CD93: variants seen among roughly 807,000 people sequenced by gnomAD.
CD93 encodes the protein complement component C1q receptor.
In CD93, 44 loss-of-function variants were observed where a neutral mutation model predicts 45.5. The observed-to-expected ratio is 0.97, with a 90% CI of 0.76 to 1.24. The LOEUF is 1.24. Among genes scored for constraint, CD93 ranks in the 50% most tolerant of loss-of-function variants. The probability of loss-of-function intolerance (pLI) is 0.00; values close to 1 mark genes in which losing one functional copy is unlikely to be tolerated. For missense variants in CD93, 918 were observed against 844.5 expected (o/e 1.09, Z -1.08); for synonymous variants, 431 against 370.8 (o/e 1.16, Z -1.87).
In CD93 at chr20:23,082,800, G is replaced by A. The variant is rs536616136; in HGVS notation, c.*1150C>T. The stretch of plus-strand genomic sequence containing the variant: ...GTTCCTTAAGCAAACTGCCTGACTA[G>A]CTCCCTACTTGGTGTGTGCGCCACC... On this transcript the variant is annotated 3_prime_UTR_variant, in exon 2 of 2. Transcript: ENST00000246006. The A allele has an allele frequency of 6.6e-6, 1 of 152,534 alleles. No homozygotes were observed. Among genetic ancestry groups the A allele is most frequent in the Non-Finnish European group, 1.5e-5 (1 of 68,040 alleles). The allele number at this position is 152,534 out of a possible 1,614,324, so 9.4% of individuals were successfully genotyped here. A position where few individuals can be genotyped will look rare whatever the true frequency, so the allele number is the denominator to read the frequency against.
rs773643005 is a variant in CD93, at chr20:23,085,263, T to G, written c.930A>C (p.Pro310=). ...CASRNPCSSS[P]CRGGATCVLG... ...GGACGCACGTGGCCCCCCCACGACATGGGCTGGAGCTGCAAGGGTTTCGAG... is the reference window on the plus strand; with the variant it reads ...GGACGCACGTGGCCCCCCCACGACAGGGGCTGGAGCTGCAAGGGTTTCGAG... Residue 310 remains proline, a synonymous_variant, in exon 1 of 2, where the codon CCA becomes CCC. Coordinates refer to ENST00000246006, the MANE Select transcript of CD93 (RefSeq NM_012072.4). The G allele has an allele frequency of 6.2e-7, 1 of 1,613,512 alleles. No individual in the cohort carries two copies. The highest frequency in any genetic ancestry group is 1.3e-5 in the African/African-American group (1 of 75,038).
rs943525869 is a variant in CD93, at chr20:23,082,138, G to A, written c.*1812C>T. On this transcript the variant is annotated 3_prime_UTR_variant, in exon 2 of 2. Coordinates refer to ENST00000246006, the MANE Select transcript of CD93 (RefSeq NM_012072.4). ...GACCATGAGATGACTTTAAAAAGAA[G>A]TTCCAAATGCCCCATCGAGCCGCAC... is the stretch of plus-strand genomic sequence containing the variant. 5.3e-5 allele frequency: 8 copies of A among 152,162 alleles called. No individual in the cohort carries two copies. The highest frequency in any genetic ancestry group is 2.9e-5 in the Non-Finnish European group (2 of 68,034). The allele number at this position is 152,162 out of a possible 1,614,324, so 9.4% of individuals were successfully genotyped here. A position where few individuals can be genotyped will look rare whatever the true frequency, so the allele number is the denominator to read the frequency against.
In CD93 at chr20:23,086,005, A is replaced by G. The variant is rs1191990848; in HGVS notation, c.188T>C (p.Val63Ala). Residue 63 changes from valine (V) to alanine (A), a missense_variant, in exon 1 of 2, where the codon GTG (valine) becomes GCG (alanine). Physicochemically the swap from Val to Ala is moderately conservative, Grantham distance 64. Coordinates refer to ENST00000246006, the MANE Select transcript of CD93 (RefSeq NM_012072.4). ...GTGCTGGGCCTCCTCCTTGCTCTTCACAGTGGCCAGGTTGCCCCCGTTCTG... is the reference window on the plus strand; with the variant it reads ...GTGCTGGGCCTCCTCCTTGCTCTTCGCAGTGGCCAGGTTGCCCCCGTTCTG... ...CNQNGGNLAT[V>A]KSKEEAQHVQ... The G allele has an allele frequency of 6.2e-7, 1 of 1,610,388 alleles. No individual in the cohort carries two copies.
rs896497650 is a variant in CD93, at chr20:23,083,147, C to A, written c.*803G>T. On this transcript the variant is annotated 3_prime_UTR_variant, in exon 2 of 2. Transcript: ENST00000246006. Reference sequence around the variant, plus strand: ...AGTCAAGTGTGTGGTAACCTCAGTACATTTGGATGAATTAATTCAAGTATC... The same window carrying A: ...AGTCAAGTGTGTGGTAACCTCAGTAAATTTGGATGAATTAATTCAAGTATC... 6.6e-6 allele frequency: 1 copy of A among 152,270 alleles called. No individual in the cohort carries two copies. Among genetic ancestry groups the A allele is most frequent in the Non-Finnish European group, 1.5e-5 (1 of 68,064 alleles). 9.4% of individuals were successfully genotyped at this position (152,270 alleles called of 1,614,324 possible).
At position 23,085,895 on chromosome 20, in the gene CD93, C is replaced by G. The variant is rs770230517; in HGVS notation, c.298G>C (p.Glu100Gln). The G allele has an allele frequency of 2.6e-6, 4 of 1,547,446 alleles. No homozygotes were observed. In the East Asian group the frequency reaches 1.0e-4, roughly 39 times the overall value. ...MSKFWIGLQR[E>Q]KGKCLDPSLP... ...CTAGGGTCCAGGCACTTGCCCTTCT[C>G]TCGCTGGAGCCCAATCCAGAACTTG... Residue 100 changes from glutamate to glutamine, a missense_variant, in exon 1 of 2, where the codon GAG (glutamate) becomes CAG (glutamine). Transcript: ENST00000246006.
In CD93 at chr20:23,085,870, C is replaced by T; in HGVS notation, c.323G>A (p.Ser108Asn). Residue 108 changes from serine to asparagine, a missense_variant, in exon 1 of 2, where the codon AGT becomes AAT. Transcript: ENST00000246006. ...QREKGKCLDP[S>N]LPLKGFSWVG... Reference sequence around the variant, plus strand: ...CCAGCTGAAGCCCTTCAGCGGCAGACTAGGGTCCAGGCACTTGCCCTTCTC... The same window carrying T: ...CCAGCTGAAGCCCTTCAGCGGCAGATTAGGGTCCAGGCACTTGCCCTTCTC... The T allele has an allele frequency of 6.3e-7, 1 of 1,582,094 alleles. No homozygotes were observed. Among genetic ancestry groups the T allele is most frequent in the East Asian group, 2.3e-5 (1 of 43,632 alleles).
intron 1 of CD93, 23 bp downstream of exon 1, chr20:23,084,236 C>G: frequency 6.2e-7 from 1 of 1,608,990 alleles, no homozygotes. Flanking sequence ...TCCCCTCCCC[C>G]GGTCACTCAG....
In CD93 at chr20:23,084,350, C is replaced by A. The variant is rs1490108201; in HGVS notation, c.1843G>T (p.Glu615Ter). 6.2e-7 allele frequency: 1 copy of A among 1,614,246 alleles called. No individual in the cohort carries two copies. The highest frequency in any genetic ancestry group is 8.5e-7 in the Non-Finnish European group (1 of 1,180,038). The change falls in exon 1 of 2, where the codon GAG becomes TAG. Residue 615 changes from glutamate (E) to a stop codon, truncating the protein, a stop_gained. Coordinates refer to ENST00000246006, the MANE Select transcript of CD93 (RefSeq NM_012072.4). LOFTEE classifies it high-confidence loss of function. ...VYRKRRAKRE[E>*]KKEKKPQNAA... ...TTCTGGGGCTTCTTCTCCTTCTTCT[C>A]CTCCCTCTTCGCTCTCCGCTTGCGA...
chr20:23,084,716 T>C lies in CD93; in HGVS notation c.1477A>G (p.Thr493Ala), dbSNP rs762931980. 5.0e-6 allele frequency: 8 copies of C among 1,596,440 alleles called. No individual in the cohort carries two copies. The highest frequency in any genetic ancestry group is 1.7e-4 in the Middle Eastern group (1 of 5,932). Residue 493 changes from threonine (T) to alanine (A), a missense_variant, in exon 1 of 2, where the codon ACC (threonine) becomes GCC (alanine). Physicochemically the swap from Thr to Ala is moderately conservative, Grantham distance 58. Transcript: ENST00000246006. The stretch of plus-strand genomic sequence containing the variant: ...CTGGCTGTTGCAGCACGGGGCACGG[T>C]GCTCCCTTCTTTCTCTCCTTTGTCC... The part of the protein sequence containing the change: ...EEDKGEKEGS[T>A]VPRAATASPT...
Position 23,085,049 on chromosome 20 carries a change from C to G in CD93, c.1144G>C (p.Ala382Pro), listed in dbSNP as rs1005084781. ...GYEPGGPGEGACQDVDECALG... is the reference protein window; with the variant it reads ...GYEPGGPGEGPCQDVDECALG... The stretch of plus-strand genomic sequence containing the variant: ...GCACACTCATCCACATCCTGACAGG[C>G]CCCCTCTCCAGGACCGCCCGGCTCA... Residue 382 changes from alanine to proline, a missense_variant, in exon 1 of 2, where the codon GCC becomes CCC. Transcript: ENST00000246006. 3.1e-6 allele frequency: 5 copies of G among 1,613,666 alleles called. No homozygotes were observed. The highest frequency in any genetic ancestry group is 4.2e-6 in the Non-Finnish European group (5 of 1,179,890).
At chr20:23,084,212 C>A (rs1985404995) in intron 1 of CD93, 47 bp downstream of exon 1, 1 of 1,592,412 alleles carries the variant, frequency 6.3e-7, no homozygotes, top group African/African-American at 1.3e-5. Flanking sequence ...AGTCAGTGCC[C>A]CCATGCCTGC....
At position 23,082,156 on chromosome 20, in the gene CD93, A is replaced by G. The variant is rs1176654778; in HGVS notation, c.*1794T>C. The G allele has an allele frequency of 6.6e-6, 1 of 152,202 alleles. No homozygotes were observed. The highest frequency in any genetic ancestry group is 1.5e-5 in the Non-Finnish European group (1 of 68,034). The allele number at this position is 152,202 out of a possible 1,614,324, so 9.4% of individuals were successfully genotyped here. A position where few individuals can be genotyped will look rare whatever the true frequency, so the allele number is the denominator to read the frequency against. On this transcript the variant is annotated 3_prime_UTR_variant, in exon 2 of 2. Coordinates refer to ENST00000246006, the MANE Select transcript of CD93 (RefSeq NM_012072.4). ...AAAAGAAGTTCCAAATGCCCCATCG[A>G]GCCGCACAAAACCTCCATCTTTCCT...
In CD93 at chr20:23,086,262, C is replaced by G. The variant is rs1407930276; in HGVS notation, c.-70G>C. The stretch of plus-strand genomic sequence containing the variant: ...GCGACAGGAGCTTCTATCTCGGCTC[C>G]CAGCTGGGCCCCAAGGGGAGCTGAG... On this transcript the variant is annotated 5_prime_UTR_variant, in exon 1 of 2. Transcript: ENST00000246006. 26 of 1,450,000 alleles carry G rather than the reference C, an allele frequency of 1.8e-5. No individual in the cohort carries two copies. The highest frequency in any genetic ancestry group is 2.7e-6 in the Non-Finnish European group (3 of 1,104,524). 89.8% of individuals were successfully genotyped at this position (1,450,000 alleles called of 1,614,324 possible).
chr20:23,086,076 G>A lies in CD93; in HGVS notation c.117C>T (p.Ala39=). The A allele has an allele frequency of 6.2e-7, 1 of 1,602,398 alleles. No individual in the cohort carries two copies. Among genetic ancestry groups the A allele is most frequent in the South Asian group, 1.1e-5 (1 of 90,474 alleles). ...CGGCAGCGCTCAGCTTGCCCGAGTG[G>A]GCCGTGTAGCAGGCGGTCCCCACGC... ...VVCVGTACYT[A]HSGKLSAAEA... Residue 39 remains alanine (A), a synonymous_variant, in exon 1 of 2, where the codon GCC becomes GCT. Transcript: ENST00000246006.
rs758995480 is a variant in CD93, at chr20:23,085,002, G to A, written c.1191C>T (p.Ala397=). 6.2e-6 allele frequency: 10 copies of A among 1,613,936 alleles called. No homozygotes were observed. The highest frequency in any genetic ancestry group is 7.6e-6 in the Non-Finnish European group (9 of 1,180,010). Residue 397 remains alanine (A), a synonymous_variant, in exon 1 of 2, where the codon GCC becomes GCT. Transcript: ENST00000246006. ...AGCCATCTGTGTTGGTGCAGCCCTG[G>A]GCGCAAGGCGAGCGACCCAGAGCAC... ...DECALGRSPC[A]QGCTNTDGSF... is the part of the protein sequence containing the mutation.
Position 23,080,251 on chromosome 20 carries a change from T to A in CD93, c.*3699A>T, listed in dbSNP as rs1450058248. 2.0e-5 allele frequency: 3 copies of A among 152,662 alleles called. No homozygotes were observed. The highest frequency in any genetic ancestry group is 2.0e-4 in the Admixed American group (3 of 15,288). The allele number at this position is 152,662 out of a possible 1,614,324, so 9.5% of individuals were successfully genotyped here. On this transcript the variant is annotated 3_prime_UTR_variant, in exon 2 of 2. Transcript: ENST00000246006. ...AGACTGTGTTATTTTTAATTCAATT[T>A]TTTTTTGTCAAATCTCATCTCTGTT...
rs758868246 is a variant in CD93, at chr20:23,083,190, C to A, written c.*760G>T. 2.0e-5 allele frequency: 3 copies of A among 152,262 alleles called. No homozygotes were observed. Among genetic ancestry groups the A allele is most frequent in the African/African-American group, 7.2e-5 (3 of 41,460 alleles). The allele number at this position is 152,262 out of a possible 1,614,324, so 9.4% of individuals were successfully genotyped here. The stretch of plus-strand genomic sequence containing the variant: ...CAAGTATCTGTGAACAAATCCCTGG[C>A]CTCTCTCGCCCTAGCCCCGTAGATT... On this transcript the variant is annotated 3_prime_UTR_variant, in exon 2 of 2. Transcript: ENST00000246006.
rs1985371551 is a variant in CD93, at chr20:23,083,183, T to C, written c.*767A>G. The C allele has an allele frequency of 6.6e-6, 1 of 152,242 alleles. No individual in the cohort carries two copies. The allele number at this position is 152,242 out of a possible 1,614,324, so 9.4% of individuals were successfully genotyped here. A position where few individuals can be genotyped will look rare whatever the true frequency, so the allele number is the denominator to read the frequency against. The stretch of plus-strand genomic sequence containing the variant: ...ATTAATTCAAGTATCTGTGAACAAA[T>C]CCCTGGCCTCTCTCGCCCTAGCCCC... On this transcript the variant is annotated 3_prime_UTR_variant, in exon 2 of 2. Coordinates refer to ENST00000246006, the MANE Select transcript of CD93 (RefSeq NM_012072.4).
At position 23,081,549 on chromosome 20, in the gene CD93, G is replaced by A. The variant is rs1412710314; in HGVS notation, c.*2401C>T. On this transcript the variant is annotated 3_prime_UTR_variant, in exon 2 of 2. Coordinates refer to ENST00000246006, the MANE Select transcript of CD93 (RefSeq NM_012072.4). ...TGGTTGGGTTGCTGGCTCTCCCCCCGTGGTGGGAGTGGTGTGCAAGAGAAA... is the reference window on the plus strand; with the variant it reads ...TGGTTGGGTTGCTGGCTCTCCCCCCATGGTGGGAGTGGTGTGCAAGAGAAA... The A allele has an allele frequency of 2.6e-5, 4 of 152,358 alleles. No homozygotes were observed. Among genetic ancestry groups the A allele is most frequent in the East Asian group, 1.9e-4 (1 of 5,184 alleles). The allele number at this position is 152,358 out of a possible 1,614,324, so 9.4% of individuals were successfully genotyped here.
Sources: allele counts gnomAD v4.1 joint callset, GRCh38; gene constraint gnomAD v4.1.1; transcripts MANE v1.5; gene names NCBI Gene and HGNC (gene_info 2026-07-23, HGNC 2026-07-21).